The following CHL1 variants were observed in gnomAD, a reference collection of about 807,000 sequenced individuals.
The protein encoded by CHL1 is neural cell adhesion molecule L1-like protein.
A neutral mutation model predicts 141.9 loss-of-function variants in CHL1; 96 were observed. The observed-to-expected ratio is 0.68, with a 90% confidence interval of 0.57 to 0.80. The LOEUF (loss-of-function observed/expected upper bound fraction) is 0.80, where lower values mean the gene tolerates loss of function less well. CHL1 is among the 30% of genes least tolerant of loss of function. The pLI, the probability that CHL1 is intolerant of heterozygous loss-of-function variation, is 0.00. For synonymous variants in CHL1, 613 were observed against 502.2 expected (o/e 1.22, Z -2.95); for missense variants, 1,820 against 1,457.2 (o/e 1.25, Z -4.05).
chr3:276,724 C>G (rs1696152162), intron 2 of CHL1, among the ~76,000 whole-genome samples: 1 of 151,784 alleles, frequency 6.6e-6, no homozygotes, highest in East Asian at 1.9e-4. Flanking sequence ...CCCTTCTCTA[C>G]TAAAAATACA....
chr3:229,772 A>T (rs921819172), intron 1 of CHL1, among the ~76,000 whole-genome samples: 1 of 152,210 alleles, frequency 6.6e-6, no homozygotes, highest in Non-Finnish European at 1.5e-5. Flanking sequence ...AAAACAAAAC[A>T]AAATGTTGAC....
chr3:324,057 A>G (rs1475274974), intron 3 of CHL1, among the ~76,000 whole-genome samples: 1 of 152,114 alleles, frequency 6.6e-6, no homozygotes, highest in Admixed American at 6.6e-5. Flanking sequence ...GTTATAGTAA[A>G]TATTGTTAGC....
At chr3:210,452 C>T (rs981492221) in intron 1 of CHL1, among the ~76,000 whole-genome samples, 8 of 152,148 alleles carry the variant, frequency 5.3e-5, no homozygotes, top group Non-Finnish European at 5.9e-5. Flanking sequence ...CCTCACATGA[C>T]CCATGCAATG....
intron 5 of CHL1, among the ~76,000 whole-genome samples, chr3:334,774 A>T (rs9863056): frequency 0.86 from 130,905 of 152,168 alleles, 56,382 homozygotes; most frequent in East Asian, 0.99. Context: ...GTGTACTGTT[A>T]GGGACAGTCT....
chr3:393,131 G>A (rs1331520849), intron 23 of CHL1, among the ~76,000 whole-genome samples: 2 of 150,162 alleles, frequency 1.3e-5, no homozygotes, highest in African/African-American at 4.9e-5. Flanking sequence ...TACTCGGGCG[G>A]CTGAGGCAGG....
chr3:314,942 C>T (rs1048291721), intron 2 of CHL1, among the ~76,000 whole-genome samples: 1 of 152,250 alleles, frequency 6.6e-6, no homozygotes, highest in South Asian at 2.1e-4. Context: ...CTACTACACT[C>T]TCACACTTTT....
chr3:338,597 A>T (rs986637598), intron 5 of CHL1, among the ~76,000 whole-genome samples: 2 of 152,230 alleles, frequency 1.3e-5, no homozygotes, highest in African/African-American at 4.8e-5. Context: ...GACATAAAAA[A>T]TTCCTGAAAA....
chr3:382,855 T>G, intron 18 of CHL1, 184 bp downstream of exon 18: 1 of 586,530 alleles, frequency 1.7e-6, no homozygotes, highest in Non-Finnish European at 3.0e-6. Flanking sequence ...TACATACGAG[T>G]TCGATAAAAG....
At chr3:239,041 T>G (rs1692282411) in intron 1 of CHL1, among the ~76,000 whole-genome samples, 3 of 152,132 alleles carry the variant, frequency 2.0e-5, no homozygotes, top group Admixed American at 2.0e-4. Flanking sequence ...AAGGTTCATA[T>G]GCTACCACGT....
At chr3:288,257 T>G (rs1426491187) in intron 2 of CHL1, among the ~76,000 whole-genome samples, 1 of 152,218 alleles carries the variant, frequency 6.6e-6, no homozygotes, top group Non-Finnish European at 1.5e-5. Flanking sequence ...TAGAAGGTAT[T>G]GGTTAATCTA....
chr3:204,449 G>A (rs1559265191), intron 1 of CHL1, among the ~76,000 whole-genome samples: 1 of 152,180 alleles, frequency 6.6e-6, no homozygotes, highest in Non-Finnish European at 1.5e-5. Context: ...AGACCAGAAT[G>A]CACTGGTTGC....
rs1702842364 is a variant in CHL1 at position 347,224 on chromosome 3, CTACT to C, written c.849-2133_849-2130del. ...GTAGGTATAATTCTTTCACAAGATA[CTACT>C]TTATAAATAGAGAAATATGCAAATA... is the stretch of plus-strand genomic sequence containing the variant. On this transcript the variant is annotated intron_variant, in intron 9 of 27. Coordinates refer to ENST00000256509, the MANE Select transcript of CHL1 (RefSeq NM_006614.4). 9.9e-5 allele frequency among the ~76,000 whole-genome samples: 15 copies of C among 151,924 alleles called. No homozygotes were observed. The South Asian group carries it at 2.1e-3, about 21-fold the overall frequency.
chr3:206,024 C>T (rs544407077), intron 1 of CHL1, among the ~76,000 whole-genome samples: 10 of 152,222 alleles, frequency 6.6e-5, no homozygotes, highest in African/African-American at 1.4e-4. Context: ...ATGGTCTTCA[C>T]TATGGACTAA....
rs1016578974 is a variant in CHL1, at chr3:370,591, A to G, written c.1751+4476A>G. On this transcript the variant is annotated intron_variant, in intron 15 of 27. Coordinates refer to ENST00000256509, the MANE Select transcript of CHL1 (RefSeq NM_006614.4). Reference sequence around the variant, plus strand: ...TTTATTTTTTTGGAGGGTTTTTCATATCTCTGTCTCCTTCAATTCTGCTCT... The same window carrying G: ...TTTATTTTTTTGGAGGGTTTTTCATGTCTCTGTCTCCTTCAATTCTGCTCT... Among the ~76,000 whole-genome samples the G allele has an allele frequency of 4.1e-5, 6 of 146,002 alleles. No individual in the cohort carries two copies. The South Asian group carries it at 8.6e-4, about 21-fold the overall frequency.
chr3:331,828 G>T (rs996013050), intron 5 of CHL1, among the ~76,000 whole-genome samples: 1 of 152,136 alleles, frequency 6.6e-6, no homozygotes, highest in Non-Finnish European at 1.5e-5. Context: ...GTGAAAATGT[G>T]TTCAACCTCT....
At chr3:242,679 CAA>C (rs1216320450) in intron 1 of CHL1, among the ~76,000 whole-genome samples, 1 of 81,022 alleles carries the variant, frequency 1.2e-5, no homozygotes, top group East Asian at 3.1e-4. Flanking sequence ...CACATGCACA[CAA>C]ACACACACAC....
At chr3:249,863 T>C (rs1354052121) in intron 2 of CHL1, among the ~76,000 whole-genome samples, 1 of 152,162 alleles carries the variant, frequency 6.6e-6, no homozygotes, top group Non-Finnish European at 1.5e-5. Flanking sequence ...TAACTCTGTA[T>C]GAATATTATA....
intron 2 of CHL1, among the ~76,000 whole-genome samples, chr3:271,177 A>G (rs1371314302): frequency 6.6e-6 from 1 of 152,136 alleles, no homozygotes; most frequent in Non-Finnish European, 1.5e-5. Flanking sequence ...GATTGTGGGG[A>G]GGGGGAAGGA....
chr3:225,988 G>GAC (rs1234045967), intron 1 of CHL1, among the ~76,000 whole-genome samples: 2 of 151,188 alleles, frequency 1.3e-5, no homozygotes, highest in African/African-American at 4.9e-5. Flanking sequence ...CAGCCCGGGA[G>GAC]ACAGAATGAG....
Sources: gnomAD v4.1 joint callset for allele counts (sites outside exome capture counted in the v4.1 genomes callset) on GRCh38, gnomAD v4.1.1 for gene constraint, MANE v1.5 for transcripts, NCBI Gene and HGNC (gene_info 2026-07-23, HGNC 2026-07-21) for gene names.